Variants in LRP1B observed in about 807,000 individuals in gnomAD.
LRP1B encodes the protein LDL receptor related protein 1B, also known as low-density lipoprotein receptor-related protein 1B.
A neutral mutation model predicts 556.6 loss-of-function variants in LRP1B; 217 were observed. That is an observed-to-expected ratio of 0.39 (90% CI 0.35 to 0.44). The LOEUF (loss-of-function observed/expected upper bound fraction) is 0.44. LRP1B is among the 20% of genes least tolerant of loss of function. The pLI is 1.00. For missense variants in LRP1B, 5,053 were observed against 5,620.8 expected (o/e 0.90, Z 3.23); for synonymous variants, 2,047 against 1,865.8 (o/e 1.10, Z -2.50).
At chr2:141,569,792 AT>A (rs1686464297) in intron 2 of LRP1B, among the ~76,000 whole-genome samples, 1 of 151,250 alleles carries the variant, frequency 6.6e-6, no homozygotes, top group Non-Finnish European at 1.5e-5. Flanking sequence ...CATTAAAAAA[AT>A]AAATAATTCA....
chr2:140,967,492 T>C (rs894384219), intron 18 of LRP1B, among the ~76,000 whole-genome samples: 5 of 152,246 alleles, frequency 3.3e-5, no homozygotes, highest in South Asian at 2.1e-4. Flanking sequence ...CAAACAGGGA[T>C]AATTTGACTC....
intron 37 of LRP1B, among the ~76,000 whole-genome samples, chr2:140,714,720 C>T (rs982089): frequency 0.017 from 2,582 of 152,034 alleles, 91 homozygotes; most frequent in Admixed American, 0.072. Flanking sequence ...AGTGAAGCAA[C>T]TGGTCAAATT....
intron 2 of LRP1B, among the ~76,000 whole-genome samples, chr2:141,527,569 T>C (rs1684731562): frequency 6.6e-6 from 1 of 152,158 alleles, no homozygotes; most frequent in African/African-American, 2.4e-5. Flanking sequence ...TCAGATTCAA[T>C]TTAGTAATTA....
chr2:141,071,930 C>A (rs994660769), intron 7 of LRP1B, among the ~76,000 whole-genome samples: 4 of 152,160 alleles, frequency 2.6e-5, no homozygotes, highest in African/African-American at 7.2e-5. Flanking sequence ...CCATACTGCC[C>A]AAGGTAATTT....
At position 141,607,268 on chromosome 2, in the gene LRP1B, T is replaced by C. The variant is rs186598510; in HGVS notation, c.206-126735A>G. ...AGTGATACAAAAACATGTTGCAAAT[T>C]ACTCCTACTAAAACAAACAACAGCC... On this transcript the variant is annotated intron_variant, in intron 2 of 90. Transcript: ENST00000389484. Among the ~76,000 whole-genome samples the C allele has an allele frequency of 4.3e-3, 654 of 152,240 alleles. 2 individuals carry two copies. The highest frequency in any genetic ancestry group is 5.7e-3 in the Non-Finnish European group (390 of 68,020).
At chr2:140,843,099 TGTTTTTTTTTTGG>T (rs1692170462) in intron 29 of LRP1B, among the ~76,000 whole-genome samples, 1 of 30,006 alleles carries the variant, frequency 3.3e-5, no homozygotes, top group Non-Finnish European at 7.2e-5. Flanking sequence ...TTTTTTTTTT[TGTTTTTTTTTTGG>T]TGGTGGGGGG....
intron 2 of LRP1B, among the ~76,000 whole-genome samples, chr2:141,638,881 A>G (rs4377276): frequency 0.44 from 4,158 of 9,458 alleles, 816 homozygotes; most frequent in Non-Finnish European, 0.55. Flanking sequence ...ATATATATAT[A>G]TGTGTGTGTA....
chr2:141,868,833 A>C (rs1043321178), intron 1 of LRP1B, among the ~76,000 whole-genome samples: 2 of 152,126 alleles, frequency 1.3e-5, no homozygotes, highest in Admixed American at 6.6e-5. Context: ...ACAAAATGTC[A>C]AGAAAGGTAT....
chr2:140,902,881 A>G (rs1451993217), intron 23 of LRP1B, 39 bp downstream of exon 23: 1 of 1,597,726 alleles, frequency 6.3e-7, no homozygotes, highest in Non-Finnish European at 8.6e-7. Flanking sequence ...TTCAAGATCT[A>G]TTCTTAAATA....
chr2:141,462,535 C>G (rs1269343212), intron 3 of LRP1B, among the ~76,000 whole-genome samples: 1 of 151,938 alleles, frequency 6.6e-6, no homozygotes, highest in African/African-American at 2.4e-5. Flanking sequence ...GGACAAATAC[C>G]TAATGCATAA....
chr2:140,725,135 A>C (rs1244768856), intron 35 of LRP1B, among the ~76,000 whole-genome samples: 1 of 152,170 alleles, frequency 6.6e-6, no homozygotes, highest in Non-Finnish European at 1.5e-5. Flanking sequence ...TCCATTCTAA[A>C]ATTTTGAGAA....
At chr2:141,185,415 A>T (rs1357731961) in intron 7 of LRP1B, among the ~76,000 whole-genome samples, 1 of 152,060 alleles carries the variant, frequency 6.6e-6, no homozygotes, top group Non-Finnish European at 1.5e-5. Context: ...GACTATAGAG[A>T]AATAATTTCG....
intron 1 of LRP1B, among the ~76,000 whole-genome samples, chr2:141,910,850 C>CT (rs1424015691): frequency 1.3e-5 from 2 of 151,932 alleles, no homozygotes; most frequent in Non-Finnish European, 2.9e-5. Flanking sequence ...GTATCACTAT[C>CT]TGTAATATAA....
Position 141,166,940 on chromosome 2 carries a change from TATAAC to T in LRP1B, c.1013+21476_1013+21480del, listed in dbSNP as rs1490238805. The stretch of plus-strand genomic sequence containing the variant: ...AGTGCAGAGTATTAGCAAATTCAAT[TATAAC>T]ATAATATATTCATAGAACATGGAAC... On this transcript the variant is annotated intron_variant, in intron 7 of 90. Coordinates refer to ENST00000389484, the MANE Select transcript of LRP1B (RefSeq NM_018557.3). Among the ~76,000 whole-genome samples, 5 of 152,120 alleles carry T rather than the reference TATAAC, an allele frequency of 3.3e-5. No homozygotes were observed. In the East Asian group the frequency reaches 9.7e-4, roughly 29 times the overall value.
At position 141,128,247 on chromosome 2, in the gene LRP1B, A is replaced by T. The variant is rs1481726857; in HGVS notation, c.1013+60174T>A. Among the ~76,000 whole-genome samples the T allele has an allele frequency of 1.3e-5, 2 of 152,222 alleles. 1 individual carries two copies. Among genetic ancestry groups the T allele is most frequent in the African/African-American group, 4.8e-5 (2 of 41,470 alleles). The stretch of plus-strand genomic sequence containing the variant: ...TTTTTATTTTTTGAATAATTAATTT[A>T]CGGAAGTTTCAATCCTTCACTAGTT... On this transcript the variant is annotated intron_variant, in intron 7 of 90. Coordinates refer to ENST00000389484, the MANE Select transcript of LRP1B (RefSeq NM_018557.3).
At chr2:141,189,729 G>T (rs1015317162) in intron 6 of LRP1B, among the ~76,000 whole-genome samples, 5 of 151,894 alleles carry the variant, frequency 3.3e-5, no homozygotes, top group African/African-American at 1.2e-4. Context: ...CTGGAAAATT[G>T]AATTTTTATC....
At chr2:141,746,048 C>T (rs1034534796) in intron 2 of LRP1B, among the ~76,000 whole-genome samples, 1 of 152,032 alleles carries the variant, frequency 6.6e-6, no homozygotes, top group African/African-American at 2.4e-5. Flanking sequence ...ACTCTTCTCC[C>T]TCCTCTCCCC....
intron 73 of LRP1B, among the ~76,000 whole-genome samples, chr2:140,358,576 A>G (rs747314767): frequency 6.6e-6 from 1 of 151,638 alleles, no homozygotes; most frequent in African/African-American, 2.4e-5. Context: ...AAATCTCTAT[A>G]TTGTTTCTCC....
chr2:140,537,462 T>A (rs1679962886), intron 45 of LRP1B, among the ~76,000 whole-genome samples: 1 of 151,964 alleles, frequency 6.6e-6, no homozygotes, highest in Non-Finnish European at 1.5e-5. Flanking sequence ...TGATGAAACC[T>A]CAGTAGCAAG....
Sources: gnomAD v4.1 joint callset for allele counts (sites outside exome capture counted in the v4.1 genomes callset) on GRCh38, gnomAD v4.1.1 for gene constraint, MANE v1.5 for transcripts, NCBI Gene and HGNC (gene_info 2026-07-23, HGNC 2026-07-21) for gene names.